Variants in EPB41L2 observed in about 807,000 individuals in gnomAD.
EPB41L2 encodes the protein band 4.1-like protein 2.
Under a neutral mutation model 113.0 loss-of-function variants are expected in EPB41L2, and 43 were observed. The ratio of observed to expected loss-of-function variants is 0.38; its 90% CI spans 0.30 to 0.49. EPB41L2 has a LOEUF of 0.49. Among genes scored for constraint, EPB41L2 ranks in the 20% least tolerant of loss-of-function variants. The pLI is 0.95. For synonymous variants in EPB41L2, 442 were observed against 436.7 expected, an observed-to-expected ratio of 1.01 and a Z score of -0.15; for missense variants, 1,147 against 1,223.4, an observed-to-expected ratio of 0.94 and a Z score of 0.93.
Position 130,845,197 on chromosome 6 carries a change from C to T in EPB41L2, c.*6-4599G>A, listed in dbSNP as rs1412605823. On this transcript the variant is annotated intron_variant, in intron 19 of 19. Transcript: ENST00000337057. ...TGTAGCCTGCAGCCCCTGAGGACTGCTGAGTCTCTTTAAGGGGACCATAGA... is the reference window on the plus strand; with the variant it reads ...TGTAGCCTGCAGCCCCTGAGGACTGTTGAGTCTCTTTAAGGGGACCATAGA... Among the ~76,000 whole-genome samples, 3 of 152,198 alleles carry T rather than the reference C, an allele frequency of 2.0e-5. No homozygotes were observed. The East Asian group carries it at 5.8e-4, about 29-fold the overall frequency.
chr6:130,901,881 C>G (rs1447355336), intron 6 of EPB41L2, among the ~76,000 whole-genome samples: 6 of 152,170 alleles, frequency 3.9e-5, no homozygotes, highest in African/African-American at 1.4e-4. Context: ...CTGGTACATG[C>G]TTAAGAATCA....
chr6:130,897,704 T>C (rs750224206), intron 8 of EPB41L2, among the ~76,000 whole-genome samples: 1 of 152,188 alleles, frequency 6.6e-6, no homozygotes, highest in Admixed American at 6.5e-5. Flanking sequence ...ACCTAGCCTG[T>C]CCCCATTACA....
At chr6:131,053,336 T>C (rs1796937291) in intron 1 of EPB41L2, among the ~76,000 whole-genome samples, 1 of 149,902 alleles carries the variant, frequency 6.7e-6, no homozygotes, top group Non-Finnish European at 1.5e-5. Context: ...TGGCAGACTG[T>C]CACGGTTACT....
At chr6:130,848,043 GA>G (rs1777552530) in intron 19 of EPB41L2, among the ~76,000 whole-genome samples, 1 of 152,074 alleles carries the variant, frequency 6.6e-6, no homozygotes, top group South Asian at 2.1e-4. Context: ...AGGTTAGTGG[GA>G]ATCAAAAGAA....
intron 16 of EPB41L2, among the ~76,000 whole-genome samples, chr6:130,867,131 A>G (rs554945888): frequency 6.6e-6 from 1 of 152,354 alleles, no homozygotes; most frequent in African/African-American, 2.4e-5. Context: ...ACTTTGCAAG[A>G]CAATTTGTTT....
intron 1 of EPB41L2, among the ~76,000 whole-genome samples, chr6:131,027,061 T>G (rs1791027243): frequency 6.6e-6 from 1 of 152,154 alleles, no homozygotes; most frequent in African/African-American, 2.4e-5. Flanking sequence ...TGCTTATGAC[T>G]TTTACAGCCC....
chr6:130,892,908 G>A (rs769086404), intron 10 of EPB41L2, among the ~76,000 whole-genome samples: 2 of 152,092 alleles, frequency 1.3e-5, no homozygotes, highest in Admixed American at 6.6e-5. Flanking sequence ...TTGGTATCAC[G>A]GTGACACAGC....
chr6:130,880,649 C>T, intron 12 of EPB41L2: 1 of 454,042 alleles, frequency 2.2e-6, no homozygotes, highest in South Asian at 6.7e-5. Context: ...CCTCTTTGGT[C>T]TTTCTTCACC....
chr6:130,869,607 G>T lies in EPB41L2; in HGVS notation c.2563C>A (p.His855Asn), dbSNP rs1342226678. Residue 855 changes from histidine to asparagine, a missense_variant, in exon 15 of 20, where the codon CAT becomes AAT. By Grantham distance (68) the His-to-Asn change is moderately conservative. Coordinates refer to ENST00000337057, the MANE Select transcript of EPB41L2 (RefSeq NM_001431.4). ...EPQKVNGEVS[H>N]VDIDVLPQII... is the part of the protein sequence containing the mutation. ...TGTGGCAAAACATCAATGTCAACAT[G>T]GGACACCTCTCCGTTAACTTTCTGT... The T allele has an allele frequency of 6.2e-7, 1 of 1,614,102 alleles. No homozygotes were observed. Among genetic ancestry groups the T allele is most frequent in the African/African-American group, 1.3e-5 (1 of 75,010 alleles).
chr6:130,982,533 C>T (rs1349175752), intron 1 of EPB41L2, among the ~76,000 whole-genome samples: 5 of 152,026 alleles, frequency 3.3e-5, no homozygotes, highest in African/African-American at 1.2e-4. Flanking sequence ...AAGTAATGAC[C>T]AACAAATGAC....
At chr6:130,979,977 A>G (rs558141843) in intron 1 of EPB41L2, among the ~76,000 whole-genome samples, 2 of 152,338 alleles carry the variant, frequency 1.3e-5, no homozygotes, top group South Asian at 4.1e-4. Flanking sequence ...GAGAGACCAA[A>G]GAACCTATCA....
At chr6:130,942,652 T>G (rs1471534985) in intron 3 of EPB41L2, among the ~76,000 whole-genome samples, 3 of 152,324 alleles carry the variant, frequency 2.0e-5, no homozygotes, top group African/African-American at 7.2e-5. Flanking sequence ...GTGCAGAACG[T>G]GCAGGTTTGT....
intron 1 of EPB41L2, among the ~76,000 whole-genome samples, chr6:130,971,680 G>A (rs772278477): frequency 1.3e-4 from 20 of 152,130 alleles, no homozygotes; most frequent in Non-Finnish European, 2.6e-4. Flanking sequence ...CTTATGAATC[G>A]CTTGTTTCTG....
At chr6:130,894,507 C>T in intron 9 of EPB41L2, 66 bp from the exon 10 acceptor site, 4 of 1,399,216 alleles carry the variant, frequency 2.9e-6, no homozygotes, top group Non-Finnish European at 3.0e-6. Flanking sequence ...TACTGAAAAG[C>T]ATGCATTCAG....
At chr6:130,970,245 A>C (rs755088078) in intron 1 of EPB41L2, 1 of 152,228 alleles carries the variant, frequency 6.6e-6, no homozygotes, top group Non-Finnish European at 1.5e-5. Flanking sequence ...CCACTGCAAC[A>C]AAAATGTCCT....
intron 11 of EPB41L2, among the ~76,000 whole-genome samples, chr6:130,886,301 A>G (rs577729715): frequency 1.3e-5 from 2 of 152,236 alleles, no homozygotes; most frequent in Non-Finnish European, 2.9e-5. Context: ...CACAGCCTTC[A>G]CCTGCCCTGT....
At chr6:130,944,044 G>A (rs1490568016) in intron 3 of EPB41L2, among the ~76,000 whole-genome samples, 1 of 152,010 alleles carries the variant, frequency 6.6e-6, no homozygotes, top group East Asian at 1.9e-4. Flanking sequence ...TTTACAATAA[G>A]CCTTTGAAGT....
At chr6:130,978,874 T>G (rs976230446) in intron 1 of EPB41L2, 2 of 152,160 alleles carry the variant, frequency 1.3e-5, no homozygotes, top group Non-Finnish European at 2.9e-5. Context: ...GACCTGACCT[T>G]GAAGGATAAG....
chr6:131,018,263 C>A (rs937351675), intron 1 of EPB41L2, among the ~76,000 whole-genome samples: 13 of 152,092 alleles, frequency 8.5e-5, no homozygotes, highest in African/African-American at 2.7e-4. Context: ...ACATTATGTC[C>A]ACTTCAAGGG....
Sources: gnomAD v4.1 joint callset for allele counts (sites outside exome capture counted in the v4.1 genomes callset) on GRCh38, gnomAD v4.1.1 for gene constraint, MANE v1.5 for transcripts, NCBI Gene and HGNC (gene_info 2026-07-23, HGNC 2026-07-21) for gene names.